Variants in GRIA1 observed in about 807,000 individuals in gnomAD.
GRIA1 encodes glutamate receptor 1.
In GRIA1, 31 loss-of-function variants were observed where a neutral mutation model predicts 99.2. The ratio of observed to expected loss-of-function variants is 0.31; its 90% CI spans 0.23 to 0.42. GRIA1 has a LOEUF of 0.42. GRIA1 is among the 10% of genes least tolerant of loss of function. GRIA1 has a pLI of 1.00. For missense variants in GRIA1, 782 were observed against 1,157.5 expected (o/e 0.68, Z 4.71); for synonymous variants, 438 against 432.4 (o/e 1.01, Z -0.16).
chr5:153,735,492 C>G (rs1379223261), intron 11 of GRIA1, among the ~76,000 whole-genome samples: 1 of 152,080 alleles, frequency 6.6e-6, no homozygotes, highest in East Asian at 1.9e-4. Context: ...TGCAAATAAC[C>G]AATTAGGTCA....
chr5:153,496,071 G>A (rs1428981387), intron 2 of GRIA1, among the ~76,000 whole-genome samples: 1 of 152,226 alleles, frequency 6.6e-6, no homozygotes, highest in African/African-American at 2.4e-5. Context: ...TGCTCTCCTA[G>A]TAGTGTCAAG....
chr5:153,770,133 G>A (rs752659460), intron 12 of GRIA1, 35 bp from the exon 13 acceptor site: 5 of 1,607,652 alleles, frequency 3.1e-6, no homozygotes, highest in Non-Finnish European at 4.3e-6. Context: ...AATTCCAAGC[G>A]CACTTAATTC....
At chr5:153,754,515 G>T (rs72804607) in intron 11 of GRIA1, among the ~76,000 whole-genome samples, 1 of 152,168 alleles carries the variant, frequency 6.6e-6, no homozygotes, top group African/African-American at 2.4e-5. Context: ...AGGGAAGAAG[G>T]AGTCTTAGGT....
chr5:153,597,727 G>T (rs1358787073), intron 2 of GRIA1, among the ~76,000 whole-genome samples: 3 of 152,224 alleles, frequency 2.0e-5, no homozygotes, highest in Non-Finnish European at 4.4e-5. Context: ...TCACAGTCTA[G>T]CTGGGTCCAG....
At chr5:153,794,582 A>G (rs758613795) in intron 13 of GRIA1, 39 bp from the exon 14 acceptor site, 2 of 1,319,932 alleles carry the variant, frequency 1.5e-6, no homozygotes, top group Non-Finnish European at 2.2e-6. Context: ...AGTGTTCTCC[A>G]CCTGTTACTC....
chr5:153,498,825 T>C (rs1754689424), intron 2 of GRIA1, among the ~76,000 whole-genome samples: 1 of 152,208 alleles, frequency 6.6e-6, no homozygotes, highest in Non-Finnish European at 1.5e-5. Context: ...CCTTTTTAAA[T>C]ACATAAACTC....
intron 4 of GRIA1, among the ~76,000 whole-genome samples, chr5:153,655,363 C>G (rs1380964490): frequency 6.6e-6 from 1 of 152,206 alleles, no homozygotes; most frequent in Non-Finnish European, 1.5e-5. Flanking sequence ...CATCCACCAT[C>G]CATCTATTAA....
chr5:153,804,720 AATTAATTAATTAATTT>A (rs759380354), intron 15 of GRIA1, among the ~76,000 whole-genome samples: 78 of 113,238 alleles, frequency 6.9e-4, no homozygotes, highest in African/African-American at 1.3e-3. Flanking sequence ...CTTATTAATT[AATTAATTAATTAATTT>A]ATTTATTTAT....
chr5:153,492,177 A>G, intron 1 of GRIA1: 1 of 1,520,184 alleles, frequency 6.6e-7, no homozygotes, highest in Non-Finnish European at 8.8e-7. Context: ...ATGTGGTGCA[A>G]TTGATATTTT....
chr5:153,781,331 G>T (rs1180085113), intron 13 of GRIA1, among the ~76,000 whole-genome samples: 1 of 151,320 alleles, frequency 6.6e-6, no homozygotes, highest in Non-Finnish European at 1.5e-5. Flanking sequence ...ATTCCCATGG[G>T]AATAAAATGT....
chr5:153,770,772 T>C (rs998900293), intron 13 of GRIA1, among the ~76,000 whole-genome samples: 1 of 152,158 alleles, frequency 6.6e-6, no homozygotes, highest in African/African-American at 2.4e-5. Context: ...ATGAACAGAG[T>C]TCTCCAGCAA....
At chr5:153,801,906 C>A (rs1417769787) in intron 14 of GRIA1, among the ~76,000 whole-genome samples, 1 of 120,718 alleles carries the variant, frequency 8.3e-6, no homozygotes, top group Non-Finnish European at 1.6e-5. Context: ...GGGACATAAA[C>A]AATGAGTGAG....
chr5:153,719,772 TA>T (rs1314959538), intron 11 of GRIA1, among the ~76,000 whole-genome samples: 8 of 151,740 alleles, frequency 5.3e-5, no homozygotes, highest in Non-Finnish European at 1.0e-4. Context: ...ATGGAGGGGG[TA>T]GGGGTATTGT....
At chr5:153,528,207 G>T in intron 2 of GRIA1, among the ~76,000 whole-genome samples, 1 of 152,068 alleles carries the variant, frequency 6.6e-6, no homozygotes, top group East Asian at 1.9e-4. Context: ...TCAAATAAAA[G>T]AAACATTGCC....
At chr5:153,591,602 T>C (rs1476246696) in intron 2 of GRIA1, among the ~76,000 whole-genome samples, 1 of 152,232 alleles carries the variant, frequency 6.6e-6, no homozygotes, top group Non-Finnish European at 1.5e-5. Context: ...CACTGCTGAA[T>C]TCCTAGAACC....
chr5:153,740,083 A>T (rs1382739923), intron 11 of GRIA1, among the ~76,000 whole-genome samples: 1 of 152,258 alleles, frequency 6.6e-6, no homozygotes, highest in Non-Finnish European at 1.5e-5. Flanking sequence ...TTGGGAACAC[A>T]TGGGTGGATA....
chr5:153,491,235 C>G, intron 1 of GRIA1: 2 of 1,300,558 alleles, frequency 1.5e-6, no homozygotes, highest in East Asian at 3.0e-5. Flanking sequence ...GAGGAACCAT[C>G]GCTTTGGAGG....
chr5:153,589,651 A>G (rs1763791693), intron 2 of GRIA1, among the ~76,000 whole-genome samples: 1 of 152,072 alleles, frequency 6.6e-6, no homozygotes, highest in African/African-American at 2.4e-5. Context: ...TGAAATGATC[A>G]TTTCATTACT....
intron 10 of GRIA1, 116 bp downstream of exon 10, chr5:153,699,189 T>C (rs1478763647): frequency 2.7e-6 from 2 of 732,734 alleles, no homozygotes; most frequent in Non-Finnish European, 4.8e-6. Context: ...TAATTGAGTG[T>C]TGTTGCTGCT....
Sources: allele counts gnomAD v4.1 joint callset (sites outside exome capture counted in the v4.1 genomes callset), GRCh38; gene constraint gnomAD v4.1.1; transcripts MANE v1.5; gene names NCBI Gene and HGNC (gene_info 2026-07-23, HGNC 2026-07-21).